Variants in MYO18B observed in about 807,000 individuals in gnomAD.
MYO18B encodes myosin XVIIIB.
In MYO18B, 204 loss-of-function variants were observed where a neutral mutation model predicts 273.0. The observed-to-expected ratio is 0.75, with a 90% CI of 0.67 to 0.84. The LOEUF is 0.84. Among genes scored for constraint, MYO18B ranks in the 40% least tolerant of loss-of-function variants. The pLI is 0.00. For missense variants in MYO18B, 3,212 were observed against 3,287.6 expected, an observed-to-expected ratio of 0.98 and a Z score of 0.56; for synonymous variants, 1,330 against 1,305.7, an observed-to-expected ratio of 1.02 and a Z score of -0.40.
chr22:25,965,743 A>G (rs2146706885), intron 39 of MYO18B, among the ~76,000 whole-genome samples: 1 of 152,366 alleles, frequency 6.6e-6, no homozygotes, highest in South Asian at 2.1e-4. Flanking sequence ...TTTTTCATAT[A>G]TTTAGTTGTA....
intron 34 of MYO18B, among the ~76,000 whole-genome samples, chr22:25,937,731 A>G (rs567247523): frequency 6.6e-6 from 1 of 151,976 alleles, no homozygotes; most frequent in East Asian, 1.9e-4. Context: ...GATTACAGGC[A>G]TGCACCACCG....
chr22:26,020,329 G>T (rs1176409089), intron 42 of MYO18B, among the ~76,000 whole-genome samples: 1 of 152,046 alleles, frequency 6.6e-6, no homozygotes, highest in African/African-American at 2.4e-5. Context: ...AAGATAATCT[G>T]AAAGGGGAAG....
chr22:25,825,754 A>G (rs907246302), intron 13 of MYO18B, among the ~76,000 whole-genome samples: 7 of 152,200 alleles, frequency 4.6e-5, no homozygotes, highest in Non-Finnish European at 1.0e-4. Context: ...ATTTTTGCCA[A>G]TTTAATCAAC....
intron 21 of MYO18B, among the ~76,000 whole-genome samples, chr22:25,855,759 T>C (rs933950551): frequency 1.3e-5 from 2 of 152,208 alleles, no homozygotes; most frequent in African/African-American, 4.8e-5. Context: ...TTCCTTCAGC[T>C]ATATGCCCAG....
rs1048662888 is a variant in MYO18B, at chr22:25,874,420, G to C, written c.4080+6G>C. ...AGGAATTCAAGAAGCTGAAGGTACT[G>C]CATGCCGTTCCCATGAGGAGTCTGA... On this transcript the variant is annotated splice_donor_region_variant and intron_variant, in intron 23 of 43. Transcript: ENST00000335473. 53 of 1,611,768 alleles carry C rather than the reference G, an allele frequency of 3.3e-5. No individual in the cohort carries two copies. The highest frequency in any genetic ancestry group is 4.3e-5 in the Non-Finnish European group (51 of 1,178,890).
At chr22:25,920,899 A>AAGATG (rs1232367815) in intron 33 of MYO18B, among the ~76,000 whole-genome samples, 1 of 152,216 alleles carries the variant, frequency 6.6e-6, no homozygotes, top group Non-Finnish European at 1.5e-5. Flanking sequence ...AGGCTCTTAC[A>AAGATG]AGATGAGGTG....
At chr22:25,834,687 C>G (rs1341484236) in intron 16 of MYO18B, among the ~76,000 whole-genome samples, 1 of 152,186 alleles carries the variant, frequency 6.6e-6, no homozygotes, top group African/African-American at 2.4e-5. Context: ...CCAGGCCTCT[C>G]TCAGTTTCCC....
rs10598069 is a variant in MYO18B, at chr22:25,787,272, G to GCACACACACACA, written c.2376+1808_2376+1819dup. Among the ~76,000 whole-genome samples the GCACACACACACA allele has an allele frequency of 1.1e-4, 15 of 136,714 alleles. No homozygotes were observed. The South Asian group carries it at 3.1e-3, about 29-fold the overall frequency. The allele number at this position is 136,714 out of a possible 152,430, so 89.7% of individuals were successfully genotyped here. A position where few individuals can be genotyped will look rare whatever the true frequency, so the allele number is the denominator to read the frequency against. The stretch of plus-strand genomic sequence containing the variant: ...TAAGCCTGTGTGCGTGCAGGCGCGC[G>GCACACACACACA]CACACACACACACACACACACACAC... On this transcript the variant is annotated intron_variant, in intron 11 of 43. Transcript: ENST00000335473.
chr22:25,875,875 G>T lies in MYO18B; in HGVS notation c.4081-314G>T, dbSNP rs577045962. On this transcript the variant is annotated intron_variant, in intron 23 of 43. Coordinates refer to ENST00000335473, the MANE Select transcript of MYO18B (RefSeq NM_032608.7). ...ACCTTTAAACCTAATCCTCATGTAA[G>T]ATGTAACCTATTGTATAGTTTCTTT... is the stretch of plus-strand genomic sequence containing the variant. 2.5e-4 allele frequency among the ~76,000 whole-genome samples: 38 copies of T among 152,238 alleles called. 1 individual carries two copies. In the South Asian group the frequency reaches 7.9e-3, roughly 32 times the overall value.
chr22:25,767,471 A>G (rs957593793), intron 3 of MYO18B, among the ~76,000 whole-genome samples: 1 of 152,204 alleles, frequency 6.6e-6, no homozygotes, highest in Admixed American at 6.5e-5. Flanking sequence ...ATCTCATCCT[A>G]TAAAAGATCT....
At position 25,772,398 on chromosome 22, in the gene MYO18B, G is replaced by C. The variant is rs1176552016; in HGVS notation, c.1757G>C (p.Ser586Thr). 6.2e-7 allele frequency: 1 copy of C among 1,614,016 alleles called. No homozygotes were observed. Among genetic ancestry groups the C allele is most frequent in the South Asian group, 1.1e-5 (1 of 91,084 alleles). ...TCTCTCATCAGTGTCAACGAATCCA[G>C]TGTCCTGAACACGCTTCTGCAGCGC... ...LASLISVNES[S>T]VLNTLLQRYK... Residue 586 changes from serine to threonine, a missense_variant, in exon 7 of 44, where the codon AGT becomes ACT. Physicochemically the swap from Ser to Thr is moderately conservative, Grantham distance 58. Transcript: ENST00000335473.
chr22:25,991,792 A>G (rs1319724856), intron 39 of MYO18B, among the ~76,000 whole-genome samples: 1 of 152,212 alleles, frequency 6.6e-6, no homozygotes, highest in Non-Finnish European at 1.5e-5. Flanking sequence ...AGCTCTGGCC[A>G]CAGAAAGAGC....
At chr22:25,776,057 A>G (rs1424100007) in intron 7 of MYO18B, among the ~76,000 whole-genome samples, 2 of 152,122 alleles carry the variant, frequency 1.3e-5, no homozygotes, top group African/African-American at 2.4e-5. Context: ...CTCAGCCCCA[A>G]GTTCTACCCC....
At chr22:25,780,232 T>C (rs2087083623) in intron 9 of MYO18B, 34 bp downstream of exon 9, 2 of 1,579,272 alleles carry the variant, frequency 1.3e-6, no homozygotes, top group Non-Finnish European at 1.7e-6. Flanking sequence ...AAGGGGGCCC[T>C]TGGGGCTGCT....
chr22:25,807,590 C>G (rs966642618), intron 12 of MYO18B, among the ~76,000 whole-genome samples: 1 of 152,154 alleles, frequency 6.6e-6, no homozygotes, highest in Non-Finnish European at 1.5e-5. Context: ...AGGTCTCTCC[C>G]TGTGGGCTAG....
intron 7 of MYO18B, among the ~76,000 whole-genome samples, chr22:25,773,367 G>A (rs1423263883): frequency 6.6e-6 from 1 of 152,158 alleles, no homozygotes; most frequent in African/African-American, 2.4e-5. Context: ...GGAAGAGGTG[G>A]GAGAGGTTGG....
At chr22:25,822,323 C>T (rs1158436627) in intron 12 of MYO18B, among the ~76,000 whole-genome samples, 1 of 152,230 alleles carries the variant, frequency 6.6e-6, no homozygotes, top group Non-Finnish European at 1.5e-5. Context: ...CCCACTTTGA[C>T]CACCATAGAC....
rs537795169 is a variant in MYO18B at position 26,021,688 on chromosome 22, A to G, written c.6471-4757A>G. On this transcript the variant is annotated intron_variant, in intron 42 of 43. Coordinates refer to ENST00000335473, the MANE Select transcript of MYO18B (RefSeq NM_032608.7). Reference sequence around the variant, plus strand: ...AGCTGAGGGTTAGAGAAGTTAGGCAATGGTCCCCAGGTCACATGGCTAGTG... The same window carrying G: ...AGCTGAGGGTTAGAGAAGTTAGGCAGTGGTCCCCAGGTCACATGGCTAGTG... 5.9e-5 allele frequency among the ~76,000 whole-genome samples: 9 copies of G among 152,338 alleles called. No homozygotes were observed. The South Asian group carries it at 1.9e-3, about 32-fold the overall frequency.
the MYO18B span, among the ~76,000 whole-genome samples, chr22:26,058,521 C>G: frequency 6.6e-6 from 1 of 152,154 alleles, no homozygotes; most frequent in Non-Finnish European, 1.5e-5. Context: ...GAATGTTTGT[C>G]TCCTCAAATT....
Sources: gnomAD v4.1 joint callset for allele counts (sites outside exome capture counted in the v4.1 genomes callset) on GRCh38, gnomAD v4.1.1 for gene constraint, MANE v1.5 for transcripts, NCBI Gene and HGNC (gene_info 2026-07-23, HGNC 2026-07-21) for gene names.